Variants in CCDC15 observed in about 807,000 individuals in gnomAD.
CCDC15 encodes coiled-coil domain-containing protein 15.
Under a neutral mutation model 114.5 loss-of-function variants are expected in CCDC15, and 105 were observed. The observed-to-expected ratio is 0.92, with a 90% confidence interval of 0.78 to 1.08. CCDC15 has a LOEUF of 1.08. CCDC15 is among the 50% of genes least tolerant of loss of function. The probability of loss-of-function intolerance (pLI) is 0.00; values close to 1 mark genes in which losing one functional copy is unlikely to be tolerated. For synonymous variants in CCDC15, 334 were observed against 377.8 expected (o/e 0.88, Z 1.34); for missense variants, 1,105 against 1,093.6 (o/e 1.01, Z -0.15).
At chr11:124,977,794 C>T (rs1182850744) in intron 6 of CCDC15, among the ~76,000 whole-genome samples, 194 bp downstream of exon 6, 1 of 152,094 alleles carries the variant, frequency 6.6e-6, no homozygotes, top group Admixed American at 6.6e-5. Context: ...ACAGTTTGCA[C>T]AGGGTTGTGC....
Position 125,008,813 on chromosome 11 carries a change from C to T in CCDC15, c.2411+3601C>T, listed in dbSNP as rs151330269. 6.1e-3 allele frequency among the ~76,000 whole-genome samples: 927 copies of T among 152,096 alleles called. 12 individuals are homozygous for T. The highest frequency in any genetic ancestry group is 0.021 in the African/African-American group (885 of 41,486). On this transcript the variant is annotated intron_variant, in intron 13 of 15. Coordinates refer to ENST00000344762, the MANE Select transcript of CCDC15 (RefSeq NM_025004.3). ...GTTCAAGAGATTCTCCTGCCTCAGCCTCTTGAGTAGCTGGGACTACAGGCT... is the reference window on the plus strand; with the variant it reads ...GTTCAAGAGATTCTCCTGCCTCAGCTTCTTGAGTAGCTGGGACTACAGGCT...
intron 13 of CCDC15, among the ~76,000 whole-genome samples, chr11:125,015,528 C>T (rs991070876): frequency 1.3e-5 from 2 of 151,940 alleles, no homozygotes; most frequent in Non-Finnish European, 2.9e-5. Context: ...AAAATGGACA[C>T]AAGAAGAAAT....
intron 13 of CCDC15, among the ~76,000 whole-genome samples, chr11:125,005,634 C>T (rs940847877): frequency 6.6e-6 from 1 of 152,082 alleles, no homozygotes; most frequent in South Asian, 2.1e-4. Context: ...TTGACAAATA[C>T]ATAATGTCAT....
rs1051826345 is a variant in CCDC15 at position 124,975,631 on chromosome 11, C to T, written c.630+422C>T. On this transcript the variant is annotated intron_variant, in intron 5 of 15. Transcript: ENST00000344762. ...AGTTGGGAAGCATATAATAAACAAG[C>T]AAATAAATATAGAATATAATTTCAA... Among the ~76,000 whole-genome samples, 4 of 151,852 alleles carry T rather than the reference C, an allele frequency of 2.6e-5. No individual in the cohort carries two copies. The East Asian group carries it at 5.8e-4, about 22-fold the overall frequency.
intron 4 of CCDC15, among the ~76,000 whole-genome samples, chr11:124,968,592 C>A (rs917830453): frequency 6.6e-6 from 1 of 152,114 alleles, no homozygotes; most frequent in African/African-American, 2.4e-5. Flanking sequence ...AAGGGAAATC[C>A]CCCGACTGCT....
rs546124058 is a variant in CCDC15, at chr11:124,998,162, G to A, written c.2214+4919G>A. Reference sequence around the variant, plus strand: ...AGGTGCAGTGTGGTTTCTTCTTGTTGCCCCCCAGAGAGGCTGCCAGGGTCT... The same window carrying A: ...AGGTGCAGTGTGGTTTCTTCTTGTTACCCCCCAGAGAGGCTGCCAGGGTCT... On this transcript the variant is annotated intron_variant, in intron 11 of 15. Transcript: ENST00000344762. Among the ~76,000 whole-genome samples, 263 of 152,220 alleles carry A rather than the reference G, an allele frequency of 1.7e-3. 13 individuals are homozygous for A. In the South Asian group the frequency reaches 0.052, roughly 30 times the overall value.
At chr11:125,020,837 A>G (rs1948655955) in intron 13 of CCDC15, among the ~76,000 whole-genome samples, 2 of 151,962 alleles carry the variant, frequency 1.3e-5, no homozygotes, top group Non-Finnish European at 2.9e-5. Flanking sequence ...TAAATTTAGC[A>G]CTATCATTTT....
intron 13 of CCDC15, 78 bp from the exon 14 acceptor site, chr11:125,038,353 G>C: frequency 1.1e-6 from 1 of 932,728 alleles, no homozygotes; most frequent in South Asian, 2.8e-5. Flanking sequence ...GGAATTTCTG[G>C]GAGTTATTTG....
At chr11:125,029,302 C>T (rs1374814626) in intron 13 of CCDC15, among the ~76,000 whole-genome samples, 2 of 152,126 alleles carry the variant, frequency 1.3e-5, no homozygotes, top group Non-Finnish European at 2.9e-5. Flanking sequence ...ACAAGTCTAC[C>T]ACTTGTCAAC....
At chr11:124,997,678 ATGC>A (rs1948397857) in intron 11 of CCDC15, among the ~76,000 whole-genome samples, 3 of 152,244 alleles carry the variant, frequency 2.0e-5, no homozygotes, top group Admixed American at 2.0e-4. Context: ...ATGGTGGCTC[ATGC>A]CTATAATCCC....
At chr11:124,961,570 A>C (rs1247166740) in intron 4 of CCDC15, among the ~76,000 whole-genome samples, 1 of 152,190 alleles carries the variant, frequency 6.6e-6, no homozygotes, top group Non-Finnish European at 1.5e-5. Flanking sequence ...CCCATGCTGT[A>C]GTGCAGTGGT....
chr11:124,999,765 T>C (rs1948441163), intron 11 of CCDC15, among the ~76,000 whole-genome samples: 1 of 151,936 alleles, frequency 6.6e-6, no homozygotes, highest in African/African-American at 2.4e-5. Context: ...CACCCTGGAG[T>C]TGGGATCTGT....
At chr11:125,025,075 A>AATATATATATGAATATATATATGAAT in intron 13 of CCDC15, among the ~76,000 whole-genome samples, 3 of 57,550 alleles carry the variant, frequency 5.2e-5, no homozygotes, top group East Asian at 2.0e-3. Context: ...TGAATATATG[A>AATATATATATGAATATATATATGAAT]ATATATATGA....
intron 13 of CCDC15, among the ~76,000 whole-genome samples, chr11:125,026,368 C>G (rs189382449): frequency 6.6e-6 from 1 of 152,302 alleles, no homozygotes; most frequent in Non-Finnish European, 1.5e-5. Flanking sequence ...AAATGCTATA[C>G]TACCCCTCCC....
chr11:124,962,818 G>C (rs947604777), intron 4 of CCDC15, among the ~76,000 whole-genome samples: 1 of 152,110 alleles, frequency 6.6e-6, no homozygotes, highest in Non-Finnish European at 1.5e-5. Flanking sequence ...TGCCACGACA[G>C]GCCCTGGTGT....
chr11:124,956,720 T>C (rs1947558049), intron 2 of CCDC15, among the ~76,000 whole-genome samples: 2 of 152,252 alleles, frequency 1.3e-5, no homozygotes, highest in African/African-American at 2.4e-5. Context: ...TTTTCCTGAT[T>C]TAAAAATTTC....
rs1948209130 is a variant in CCDC15, at chr11:124,988,185, G to A, written c.1908+51G>A. The stretch of plus-strand genomic sequence containing the variant: ...AAAAAGAAGAAATAAGCTACTTAGG[G>A]TTTGAGGAGGGATTTGTAAGGACTG... On this transcript the variant is annotated intron_variant, in intron 8 of 15. Coordinates refer to ENST00000344762, the MANE Select transcript of CCDC15 (RefSeq NM_025004.3). 3.1e-5 allele frequency: 47 copies of A among 1,539,820 alleles called. 1 individual carries two copies. In the South Asian group the frequency reaches 4.7e-4, roughly 15 times the overall value.
intron 12 of CCDC15, 64 bp from the exon 13 acceptor site, chr11:125,005,045 A>G (rs1948537339): frequency 2.9e-6 from 2 of 696,266 alleles, no homozygotes; most frequent in Non-Finnish European, 4.7e-6. Context: ...GTATAAGAAT[A>G]TTTTTCTTCC....
At chr11:124,994,342 T>C (rs1033577895) in intron 11 of CCDC15, among the ~76,000 whole-genome samples, 1 of 151,980 alleles carries the variant, frequency 6.6e-6, no homozygotes, top group Admixed American at 6.6e-5. Context: ...AAACTGGGAG[T>C]GGTCAGGCTG....
Sources: allele counts gnomAD v4.1 joint callset (sites outside exome capture counted in the v4.1 genomes callset), GRCh38; gene constraint gnomAD v4.1.1; transcripts MANE v1.5; gene names NCBI Gene and HGNC (gene_info 2026-07-23, HGNC 2026-07-21).